Variants in RPTOR observed in about 807,000 individuals in gnomAD.
RPTOR encodes regulatory-associated protein of mTOR.
RPTOR carries 21 observed loss-of-function variants against 169.9 expected under a neutral mutation model. The ratio of observed to expected loss-of-function variants is 0.12; its 90% CI spans 0.09 to 0.18. The LOEUF (loss-of-function observed/expected upper bound fraction) is 0.18. Among genes scored for constraint, RPTOR ranks in the 10% least tolerant of loss-of-function variants. The pLI is 1.00. For missense variants in RPTOR, 1,133 were observed against 1,855.9 expected, an observed-to-expected ratio of 0.61 and a Z score of 7.16; for synonymous variants, 732 against 753.2, an observed-to-expected ratio of 0.97 and a Z score of 0.46.
In RPTOR at chr17:80,943,737, AGTAAGAGCCAGTCAGGTGAGGACACG is replaced by A. The variant is rs1334743373; in HGVS notation, c.3026-1927_3026-1902del. On this transcript the variant is annotated intron_variant, in intron 25 of 33. Coordinates refer to ENST00000306801, the MANE Select transcript of RPTOR (RefSeq NM_020761.3). The stretch of plus-strand genomic sequence containing the variant: ...CAGAAGTTCAGGTGAGGACACGGTT[AGTAAGAGCCAGTCAGGTGAGGACACG>A]GTTAGTAAGAGCCAGTCAGGTGAGG... Among the ~76,000 whole-genome samples, 10 of 150,774 alleles carry A rather than the reference AGTAAGAGCCAGTCAGGTGAGGACACG, an allele frequency of 6.6e-5. No individual in the cohort carries two copies. The East Asian group carries it at 1.4e-3, about 20-fold the overall frequency.
chr17:80,898,439 C>T (rs969422161), intron 20 of RPTOR, among the ~76,000 whole-genome samples: 2 of 152,146 alleles, frequency 1.3e-5, no homozygotes, highest in Non-Finnish European at 2.9e-5. Context: ...AACTTTTAGG[C>T]TTTGTGGATT....
At chr17:80,662,936 G>A (rs572558197) in intron 3 of RPTOR, among the ~76,000 whole-genome samples, 17 of 152,284 alleles carry the variant, frequency 1.1e-4, no homozygotes, top group African/African-American at 3.9e-4. Context: ...GCCTGCATCC[G>A]GGAATGGGTG....
At chr17:80,793,440 G>A (rs1159522236) in intron 7 of RPTOR, among the ~76,000 whole-genome samples, 1 of 152,206 alleles carries the variant, frequency 6.6e-6, no homozygotes, top group African/African-American at 2.4e-5. Context: ...CTGTCTTGGT[G>A]TTTTCTGTTT....
At chr17:80,561,016 A>C (rs1348412410) in intron 1 of RPTOR, among the ~76,000 whole-genome samples, 1 of 152,138 alleles carries the variant, frequency 6.6e-6, no homozygotes, top group Admixed American at 6.5e-5. Flanking sequence ...ATTTTATCTT[A>C]AGCACAAGTA....
rs544588738 is a variant in RPTOR, at chr17:80,763,478, A to G, written c.830+9293A>G. 3.0e-4 allele frequency among the ~76,000 whole-genome samples: 46 copies of G among 152,332 alleles called. No homozygotes were observed. In the South Asian group the frequency reaches 8.7e-3, roughly 29 times the overall value. ...TGATGATGACTGTGTGCACCTGACAACGTGGCCTCGAACGAGATAAGATGG... is the reference window on the plus strand; with the variant it reads ...TGATGATGACTGTGTGCACCTGACAGCGTGGCCTCGAACGAGATAAGATGG... On this transcript the variant is annotated intron_variant, in intron 6 of 33. Transcript: ENST00000306801.
At chr17:80,674,190 C>T (rs957734143) in intron 3 of RPTOR, among the ~76,000 whole-genome samples, 15 of 152,198 alleles carry the variant, frequency 9.9e-5, no homozygotes, top group African/African-American at 3.1e-4. Flanking sequence ...AATATCTTAT[C>T]CTTCTTACTG....
chr17:80,571,785 T>C (rs1045507819), intron 1 of RPTOR, among the ~76,000 whole-genome samples: 2 of 152,224 alleles, frequency 1.3e-5, no homozygotes, highest in African/African-American at 4.8e-5. Flanking sequence ...CCTCCCAAAG[T>C]GCTGGGATTA....
intron 7 of RPTOR, chr17:80,802,832 G>A (rs2067175583): frequency 6.6e-6 from 1 of 152,364 alleles, no homozygotes; most frequent in African/African-American, 2.4e-5. Flanking sequence ...AGTCATCTCA[G>A]ACGGCTCAGT....
chr17:80,834,056 TTTGGTTAAA>T (rs1428649341), intron 9 of RPTOR, among the ~76,000 whole-genome samples: 1 of 152,228 alleles, frequency 6.6e-6, no homozygotes, highest in African/African-American at 2.4e-5. Context: ...GGCCCTGTAA[TTTGGTTAAA>T]TAAATAAATA....
intron 6 of RPTOR, among the ~76,000 whole-genome samples, chr17:80,757,959 G>T (rs546821427): frequency 1.3e-5 from 2 of 152,012 alleles, no homozygotes; most frequent in Admixed American, 6.5e-5. Flanking sequence ...CCCATTTCAC[G>T]TTACCCCAGG....
At chr17:80,610,575 G>A (rs990731244) in intron 1 of RPTOR, among the ~76,000 whole-genome samples, 5 of 152,258 alleles carry the variant, frequency 3.3e-5, no homozygotes, top group Non-Finnish European at 5.9e-5. Context: ...TGATGGCCTC[G>A]TGGCTGTACT....
intron 13 of RPTOR, among the ~76,000 whole-genome samples, chr17:80,872,952 G>A (rs577206691): frequency 1.3e-5 from 2 of 152,324 alleles, no homozygotes; most frequent in East Asian, 1.9e-4. Flanking sequence ...AGAGGGGATG[G>A]GGAGCCTGGT....
rs1007936254 is a variant in RPTOR at position 80,754,016 on chromosome 17, G to T, written c.661G>T (p.Ala221Ser). The T allele has an allele frequency of 1.2e-6, 2 of 1,612,300 alleles. No homozygotes were observed. The highest frequency in any genetic ancestry group is 2.7e-5 in the African/African-American group (2 of 74,884). Residue 221 changes from alanine (A) to serine (S), a missense_variant, in exon 6 of 34, where the codon GCA becomes TCA. Physicochemically the swap from Ala to Ser is moderately conservative, Grantham distance 99. Around this residue, in one of 9 missense-constraint regions of RPTOR, gnomAD observed 35 missense variants for 31.8 expected, o/e 1.10. Transcript: ENST00000306801. The surrounding 1 kb of genome is among the most constrained non-coding windows in gnomAD (Gnocchi z 4.2). ...LQREQELEVA[A>S]INPNHPLAQM... ...CGAATGTTCTGCCCTTCAGGTAGCTGCAATCAACCCAAATCACCCTCTTGC... is the reference window on the plus strand; with the variant it reads ...CGAATGTTCTGCCCTTCAGGTAGCTTCAATCAACCCAAATCACCCTCTTGC...
At chr17:80,964,052 C>T (rs1358884931) in intron 33 of RPTOR, among the ~76,000 whole-genome samples, 1 of 152,188 alleles carries the variant, frequency 6.6e-6, no homozygotes, top group East Asian at 1.9e-4. Context: ...GGGCCCGGGG[C>T]AGCGCCACGC....
At chr17:80,568,045 T>C (rs1232246561) in intron 1 of RPTOR, among the ~76,000 whole-genome samples, 4 of 151,944 alleles carry the variant, frequency 2.6e-5, no homozygotes, top group African/African-American at 9.7e-5. Flanking sequence ...AAGATGGGAC[T>C]ACAGGCATGC....
intron 1 of RPTOR, among the ~76,000 whole-genome samples, chr17:80,623,421 G>C (rs1015034343): frequency 2.0e-5 from 3 of 152,042 alleles, no homozygotes; most frequent in Non-Finnish European, 4.4e-5. Flanking sequence ...GAAATATCTG[G>C]AAATCTTAAA....
intron 7 of RPTOR, among the ~76,000 whole-genome samples, chr17:80,796,278 G>A (rs1364620700): frequency 1.3e-5 from 2 of 152,208 alleles, no homozygotes; most frequent in Admixed American, 6.5e-5. Context: ...TCTGCAAGCT[G>A]CGGAGCAAGG....
chr17:80,896,377 A>ACACGGC (rs1567974492), intron 20 of RPTOR, among the ~76,000 whole-genome samples: 1 of 144,976 alleles, frequency 6.9e-6, no homozygotes, highest in African/African-American at 2.6e-5. Flanking sequence ...CCGACACCCC[A>ACACGGC]CGCGGCCTCG....
At chr17:80,755,256 A>G (rs1448249714) in intron 6 of RPTOR, among the ~76,000 whole-genome samples, 2 of 152,140 alleles carry the variant, frequency 1.3e-5, no homozygotes, top group East Asian at 1.9e-4. Context: ...ACAGGTTTCC[A>G]TTCAGGGAGA....
Sources: allele counts gnomAD v4.1 joint callset (sites outside exome capture counted in the v4.1 genomes callset), GRCh38; gene constraint gnomAD v4.1.1; regional missense constraint gnomAD v4.1.1; non-coding constraint Gnocchi (gnomAD v3.1); transcripts MANE v1.5; gene names NCBI Gene and HGNC (gene_info 2026-07-23, HGNC 2026-07-21).